Variants in ACAD10 observed in about 807,000 individuals in gnomAD.
The protein encoded by ACAD10 is ACAD-10.
In ACAD10, 112 loss-of-function variants were observed where a neutral mutation model predicts 116.8. That is an observed-to-expected ratio of 0.96 (90% CI 0.82 to 1.12). ACAD10 has a LOEUF of 1.12. ACAD10 is among the 50% of genes most tolerant of loss of function. The pLI, the probability that ACAD10 is intolerant of heterozygous loss-of-function variation, is 0.00. For synonymous variants in ACAD10, 486 were observed against 510.6 expected (o/e 0.95, Z 0.65); for missense variants, 1,259 against 1,350.2 (o/e 0.93, Z 1.06).
At chr12:111,744,550 C>T (rs1185411745) in intron 12 of ACAD10, 93 bp from the exon 13 acceptor site, 1 of 1,461,894 alleles carries the variant, frequency 6.8e-7, no homozygotes, top group Non-Finnish European at 9.3e-7. Flanking sequence ...CAGCAAATGG[C>T]AATAGCTGCT....
At chr12:111,735,009 G>A (rs1424140409) in intron 11 of ACAD10, among the ~76,000 whole-genome samples, 2 of 152,136 alleles carry the variant, frequency 1.3e-5, no homozygotes, top group Non-Finnish European at 2.9e-5. Flanking sequence ...GGATCACGAG[G>A]TCAGGAGATC....
intron 2 of ACAD10, among the ~76,000 whole-genome samples, chr12:111,701,557 T>TG (rs1365841149): frequency 2.0e-5 from 3 of 152,070 alleles, no homozygotes; most frequent in Non-Finnish European, 4.4e-5. Flanking sequence ...CTCAGCTACC[T>TG]GGGGGGCTGA....
chr12:111,730,080 T>C (rs1236975332), intron 10 of ACAD10, 124 bp downstream of exon 10: 1 of 1,364,362 alleles, frequency 7.3e-7, no homozygotes, highest in Non-Finnish European at 9.8e-7. Flanking sequence ...CCTGTCTGTG[T>C]GTGGCCTTTT....
chr12:111,698,779 C>A (rs666951), intron 2 of ACAD10, among the ~76,000 whole-genome samples: 41,829 of 152,056 alleles, frequency 0.28, 7,625 homozygotes, highest in East Asian at 0.9. Flanking sequence ...CCCGGCCGGT[C>A]ATAACCGTTT....
In ACAD10 at chr12:111,753,932, G is replaced by T. The variant is rs756399429; in HGVS notation, c.2961+17G>T. 1 of 1,587,654 alleles carries T rather than the reference G, an allele frequency of 6.3e-7. No homozygotes were observed. The highest frequency in any genetic ancestry group is 1.7e-5 in the Admixed American group (1 of 58,114). On this transcript the variant is annotated intron_variant, in intron 19 of 20. Transcript: ENST00000313698. ...GGAAACAAGGTAGGGGCAGGGGCAC[G>T]AGGGGGCCTCCCAGAGGCAGAGATT... is the stretch of plus-strand genomic sequence containing the variant.
intron 11 of ACAD10, among the ~76,000 whole-genome samples, chr12:111,734,971 C>T (rs535654153): frequency 6.6e-6 from 1 of 152,024 alleles, no homozygotes; most frequent in African/African-American, 2.4e-5. Flanking sequence ...CGCCTGTAAT[C>T]CCAGCACTTT....
intron 18 of ACAD10, chr12:111,753,479 C>G: frequency 1.6e-6 from 1 of 617,442 alleles, no homozygotes; most frequent in Non-Finnish European, 3.0e-6. Flanking sequence ...CCAGGCCTGC[C>G]CAGATGTGCA....
At chr12:111,727,663 C>G (rs1889255934) in intron 8 of ACAD10, among the ~76,000 whole-genome samples, 1 of 152,070 alleles carries the variant, frequency 6.6e-6, no homozygotes, top group African/African-American at 2.4e-5. Context: ...ACAAATGAAC[C>G]AGGGAGAAGA....
At chr12:111,756,215 C>T (rs1006143934) in intron 20 of ACAD10, 118 bp from the exon 21 acceptor site, 77 of 1,449,712 alleles carry the variant, frequency 5.3e-5, no homozygotes, top group Admixed American at 2.9e-5. Flanking sequence ...CACATAGGTG[C>T]CACAGGGAAG....
At chr12:111,735,180 C>T (rs770858221) in intron 11 of ACAD10, among the ~76,000 whole-genome samples, 5 of 148,420 alleles carry the variant, frequency 3.4e-5, no homozygotes, top group African/African-American at 5.0e-5. Context: ...GCTGAGATGG[C>T]GCCACTGCAC....
intron 11 of ACAD10, 68 bp from the exon 12 acceptor site, chr12:111,736,763 A>C: frequency 6.6e-7 from 1 of 1,511,290 alleles, no homozygotes; most frequent in South Asian, 1.3e-5. Context: ...TCAGAATTTA[A>C]ATATTTGCCA....
rs1890122056 is a variant in ACAD10 at position 111,753,313 on chromosome 12, G to T, written c.2818-459G>T. On this transcript the variant is annotated intron_variant, in intron 18 of 20. Transcript: ENST00000313698. ...AGCGAGACGGGGCTGAGGGGACCTT[G>T]CTCCCATTGGAGCTGCAGGGCAGGA... 1.1e-5 allele frequency: 4 copies of T among 360,124 alleles called. No homozygotes were observed. The Admixed American group carries it at 1.5e-4, about 13-fold the overall frequency. The allele number at this position is 360,124 out of a possible 1,614,324, so 22.3% of individuals were successfully genotyped here. A position where few individuals can be genotyped will look rare whatever the true frequency, so the allele number is the denominator to read the frequency against.
chr12:111,705,682 T>A (rs769431538), intron 3 of ACAD10, 56 bp from the exon 4 acceptor site: 19 of 1,490,088 alleles, frequency 1.3e-5, no homozygotes, highest in Non-Finnish European at 1.7e-5. Context: ...CTGTTGGCCA[T>A]GAGTGTTTGT....
intron 18 of ACAD10, chr12:111,753,466 T>C (rs1401840392): frequency 1.2e-5 from 7 of 584,082 alleles, no homozygotes; most frequent in Non-Finnish European, 1.9e-5. Flanking sequence ...TCCTGTCTGG[T>C]AGCCAGGCCT....
chr12:111,694,131 A>T (rs1008627278), intron 2 of ACAD10, among the ~76,000 whole-genome samples: 1 of 152,088 alleles, frequency 6.6e-6, no homozygotes, highest in Non-Finnish European at 1.5e-5. Flanking sequence ...CAGGTTTTCT[A>T]TGCCTGCGTG....
chr12:111,755,601 G>C (rs1452645080), intron 19 of ACAD10, 67 bp from the exon 20 acceptor site: 2 of 1,199,806 alleles, frequency 1.7e-6, no homozygotes, highest in African/African-American at 3.0e-5. Context: ...TGGGGGACGG[G>C]GGGGCCTCAC....
At chr12:111,746,894 A>G (rs2135989861) in intron 14 of ACAD10, among the ~76,000 whole-genome samples, 155 bp from the exon 15 acceptor site, 1 of 152,234 alleles carries the variant, frequency 6.6e-6, no homozygotes, top group Non-Finnish European at 1.5e-5. Context: ...GCTGCTTGGG[A>G]AGCTGAGGCA....
chr12:111,733,604 T>A (rs531752767), intron 10 of ACAD10, among the ~76,000 whole-genome samples: 1 of 152,280 alleles, frequency 6.6e-6, no homozygotes, highest in South Asian at 2.1e-4. Context: ...GATTTACAGA[T>A]CTGTTTTAAA....
chr12:111,729,649 A>T lies in ACAD10; in HGVS notation c.1244-157A>T, dbSNP rs143485763. Reference sequence around the variant, plus strand: ...ACTTCCACCTTGGGGCAGCAGGAGCATCATGTGGGAAATTCTCCAGTCATA... The same window carrying T: ...ACTTCCACCTTGGGGCAGCAGGAGCTTCATGTGGGAAATTCTCCAGTCATA... On this transcript the variant is annotated intron_variant, in intron 9 of 20. Transcript: ENST00000313698. 3.3e-3 allele frequency among the ~76,000 whole-genome samples: 502 copies of T among 152,344 alleles called. 6 individuals are homozygous for T. The highest frequency in any genetic ancestry group is 0.011 in the African/African-American group (478 of 41,570).
Sources: gnomAD v4.1 joint callset for allele counts (sites outside exome capture counted in the v4.1 genomes callset) on GRCh38, gnomAD v4.1.1 for gene constraint, MANE v1.5 for transcripts, NCBI Gene and HGNC (gene_info 2026-07-23, HGNC 2026-07-21) for gene names.